Variants in PLPP7 observed in about 807,000 individuals in gnomAD.
PLPP7 encodes the protein phospholipid phosphatase 7 (inactive).
In PLPP7, 11 loss-of-function variants were observed where a neutral mutation model predicts 16.9. The ratio of observed to expected loss-of-function variants is 0.65; its 90% confidence interval spans 0.41 to 1.08. The LOEUF (loss-of-function observed/expected upper bound fraction) is 1.08, where lower values mean the gene tolerates loss of function less well. PLPP7 is among the 50% of genes least tolerant of loss of function. The pLI, the probability that PLPP7 is intolerant of heterozygous loss-of-function variation, is 0.00. For missense variants in PLPP7, 358 were observed against 397.1 expected (o/e 0.90, Z 0.84); for synonymous variants, 174 against 175.1 (o/e 0.99, Z 0.05).
Position 131,290,304 on chromosome 9 carries a change from GCGGCGTCCTGGGC to G in PLPP7, c.309_321del (p.Ala104ValfsTer27). On this transcript the variant is annotated frameshift_variant, in exon 1 of 2. Transcript: ENST00000372264. LOFTEE classifies it high-confidence loss of function. This position sits in a 1 kb window ranked among gnomAD's most constrained non-coding sequence, Gnocchi z 4.2. ...GCGGCTGGGGGTGTGCGCTGGCCGG[GCGGCGTCCTGGGC>G]CAGTGCCCGCTCCATGGTCAAGCTC... The G allele has an allele frequency of 6.2e-7, 1 of 1,612,074 alleles. No homozygotes were observed. Among genetic ancestry groups the G allele is most frequent in the East Asian group, 2.2e-5 (1 of 44,848 alleles).
chr9:131,299,192 G>A (rs955819611), intron 1 of PLPP7, among the ~76,000 whole-genome samples: 10 of 128,512 alleles, frequency 7.8e-5, no homozygotes, highest in Admixed American at 4.0e-4. Flanking sequence ...GCCTGAGTGC[G>A]CCCTGGGTGA....
rs543199710 is a variant in PLPP7 at position 131,292,449 on chromosome 9, T to G, written c.451+2001T>G. On this transcript the variant is annotated intron_variant, in intron 1 of 1. Coordinates refer to ENST00000372264, the MANE Select transcript of PLPP7 (RefSeq NM_032728.4). ...TGATCTTCACCATAACCCATGGAGC[T>G]TGGTGCTGTTATTATTCCCCATTTA... Among the ~76,000 whole-genome samples, 97 of 152,322 alleles carry G rather than the reference T, an allele frequency of 6.4e-4. 1 individual carries two copies. Among genetic ancestry groups the G allele is most frequent in the African/African-American group, 2.2e-3 (92 of 41,574 alleles).
At chr9:131,296,090 C>T (rs1835732311) in intron 1 of PLPP7, among the ~76,000 whole-genome samples, 1 of 152,212 alleles carries the variant, frequency 6.6e-6, no homozygotes, top group Non-Finnish European at 1.5e-5. Flanking sequence ...CTGTTGCCCA[C>T]AGCGGCTGCG....
At chr9:131,299,611 G>A (rs1835773933) in intron 1 of PLPP7, among the ~76,000 whole-genome samples, 1 of 152,154 alleles carries the variant, frequency 6.6e-6, no homozygotes, top group Non-Finnish European at 1.5e-5. Context: ...GTGGCAGGCG[G>A]GCCACTGCCT....
At chr9:131,298,383 C>T (rs758278077) in intron 1 of PLPP7, among the ~76,000 whole-genome samples, 46 of 152,102 alleles carry the variant, frequency 3.0e-4, no homozygotes, top group African/African-American at 7.7e-4. Context: ...CCAACCCAGC[C>T]GGAGAGAGAC....
In PLPP7 at chr9:131,289,928, C is replaced by T; in HGVS notation, c.-70C>T. ...GCCACGGTGGCGGCTCTGGGGGCAGCTCTTGTCTTCGGGGAGAAGGCCCTT... is the reference window on the plus strand; with the variant it reads ...GCCACGGTGGCGGCTCTGGGGGCAGTTCTTGTCTTCGGGGAGAAGGCCCTT... On this transcript the variant is annotated 5_prime_UTR_variant, in exon 1 of 2. Transcript: ENST00000372264. 1.5e-6 allele frequency: 2 copies of T among 1,294,062 alleles called. No homozygotes were observed. Among genetic ancestry groups the T allele is most frequent in the Non-Finnish European group, 2.0e-6 (2 of 1,006,820 alleles). 80.2% of individuals were successfully genotyped at this position (1,294,062 alleles called of 1,614,324 possible). A position where few individuals can be genotyped will look rare whatever the true frequency, so the allele number is the denominator to read the frequency against.
In PLPP7 at chr9:131,295,063, T is replaced by G. The variant is rs1405558051; in HGVS notation, c.451+4615T>G. Reference sequence around the variant, plus strand: ...CCGGGAGGCGGAGCTTGCAGTGAGCTGAGATCGCACCACTGCACTCCAGCC... The same window carrying G: ...CCGGGAGGCGGAGCTTGCAGTGAGCGGAGATCGCACCACTGCACTCCAGCC... On this transcript the variant is annotated intron_variant, in intron 1 of 1. Coordinates refer to ENST00000372264, the MANE Select transcript of PLPP7 (RefSeq NM_032728.4). This position sits in a 1 kb window ranked among gnomAD's most constrained non-coding sequence, Gnocchi z 4.0. Among the ~76,000 whole-genome samples, 2 of 150,320 alleles carry G rather than the reference T, an allele frequency of 1.3e-5. No homozygotes were observed. Among genetic ancestry groups the G allele is most frequent in the Admixed American group, 6.6e-5 (1 of 15,180 alleles).
intron 1 of PLPP7, among the ~76,000 whole-genome samples, chr9:131,299,115 G>T (rs567709451): frequency 1.3e-5 from 2 of 152,204 alleles, no homozygotes; most frequent in Admixed American, 6.5e-5. Flanking sequence ...AGGGAGCTCT[G>T]GGGGATAGAC....
Position 131,308,139 on chromosome 9 carries a change from T to G in PLPP7, c.668T>G (p.Leu223Arg). 1 of 1,600,908 alleles carries G rather than the reference T, an allele frequency of 6.2e-7. No homozygotes were observed. The highest frequency in any genetic ancestry group is 8.5e-7 in the Non-Finnish European group (1 of 1,179,802). The change falls in exon 2 of 2, where the codon CTC (leucine) becomes CGC (arginine). Residue 223 changes from leucine (L) to arginine (R), a missense_variant. Coordinates refer to ENST00000372264, the MANE Select transcript of PLPP7 (RefSeq NM_032728.4). The part of the protein sequence containing the change: ...PLRVLLVLWA[L>R]CVGLSRVMIG... ...CGTGTGCTGCTGGTGCTCTGGGCCC[T>G]CTGCGTGGGCCTGTCCCGCGTGATG...
chr9:131,290,238 G>A lies in PLPP7; in HGVS notation c.241G>A (p.Ala81Thr), dbSNP rs764693403. Residue 81 changes from alanine to threonine, a missense_variant, in exon 1 of 2, where the codon GCC becomes ACC. By Grantham distance (58) the Ala-to-Thr change is moderately conservative. Coordinates refer to ENST00000372264, the MANE Select transcript of PLPP7 (RefSeq NM_032728.4). This position sits in a 1 kb window ranked among gnomAD's most constrained non-coding sequence, Gnocchi z 4.2. ...GCTGAACCCCTCCTTCAAGGGCATC[G>A]CCTTCAACTCCCTGCTGGCCATCGA... The part of the protein sequence containing the change: ...MQLNPSFKGI[A>T]FNSLLAIDIC... The A allele has an allele frequency of 1.3e-5, 21 of 1,610,368 alleles. No individual in the cohort carries two copies. Among genetic ancestry groups the A allele is most frequent in the Non-Finnish European group, 1.6e-5 (19 of 1,177,992 alleles).
intron 1 of PLPP7, among the ~76,000 whole-genome samples, chr9:131,307,393 A>G (rs1265313475): frequency 6.6e-6 from 1 of 151,718 alleles, no homozygotes; most frequent in African/African-American, 2.4e-5. Flanking sequence ...CTCTACTGAA[A>G]GTACAAAAAT....
In PLPP7 at chr9:131,290,326, G is replaced by A. The variant is rs766651422; in HGVS notation, c.329G>A (p.Arg110His). 3.2e-5 allele frequency: 52 copies of A among 1,611,174 alleles called. No individual in the cohort carries two copies. The highest frequency in any genetic ancestry group is 2.0e-4 in the South Asian group (18 of 90,614). ...AGRAASWASA[R>H]SMVKLIGITG... is the part of the protein sequence containing the mutation. ...CGGGCGGCGTCCTGGGCCAGTGCCC[G>A]CTCCATGGTCAAGCTCATCGGCATC... is the stretch of plus-strand genomic sequence containing the variant. Residue 110 changes from arginine (R) to histidine (H), a missense_variant, in exon 1 of 2, where the codon CGC (arginine) becomes CAC (histidine). Coordinates refer to ENST00000372264, the MANE Select transcript of PLPP7 (RefSeq NM_032728.4). This position sits in a 1 kb window ranked among gnomAD's most constrained non-coding sequence, Gnocchi z 4.2.
Position 131,308,592 on chromosome 9 carries a change from G to A in PLPP7, c.*305G>A, listed in dbSNP as rs1835884193. ...TCTGCTCTGGGAACAGCAAAAATCA[G>A]GATGGTGGGAGGGGCCGAGTCTTGT... On this transcript the variant is annotated 3_prime_UTR_variant, in exon 2 of 2. Transcript: ENST00000372264. 5.0e-6 allele frequency: 2 copies of A among 403,694 alleles called. No individual in the cohort carries two copies. The allele number at this position is 403,694 out of a possible 1,614,324, so 25.0% of individuals were successfully genotyped here.
At chr9:131,303,437 CTTTTG>C (rs1835820726) in intron 1 of PLPP7, among the ~76,000 whole-genome samples, 1 of 147,850 alleles carries the variant, frequency 6.8e-6, no homozygotes, top group African/African-American at 2.5e-5. Flanking sequence ...TAAACTCTAA[CTTTTG>C]TTTTCTGTTT....
At chr9:131,303,647 G>A (rs368938515) in intron 1 of PLPP7, among the ~76,000 whole-genome samples, 5 of 152,256 alleles carry the variant, frequency 3.3e-5, no homozygotes, top group Admixed American at 2.0e-4. Flanking sequence ...TGGGCCAGGC[G>A]TTTGGGGGAC....
At chr9:131,307,826 G>A in intron 1 of PLPP7, 97 bp from the exon 2 acceptor site, 2 of 1,278,490 alleles carry the variant, frequency 1.6e-6, no homozygotes, top group Admixed American at 2.8e-5. Flanking sequence ...CCTGAGTGAG[G>A]AGCAGAAAGG....
At position 131,308,291 on chromosome 9, in the gene PLPP7, G is replaced by T. The variant is rs746640712; in HGVS notation, c.*4G>T. 1.3e-5 allele frequency: 21 copies of T among 1,558,404 alleles called. 1 individual carries two copies. In the Admixed American group the frequency reaches 2.6e-4, roughly 19 times the overall value. On this transcript the variant is annotated 3_prime_UTR_variant, in exon 2 of 2. Transcript: ENST00000372264. ...GATGCTCATCTCTGCCTGGTGAAGC[G>T]CCCGCCGGCCCACACAAGCCTCTGG...
chr9:131,300,840 G>C (rs1835790858), intron 1 of PLPP7, among the ~76,000 whole-genome samples: 1 of 152,072 alleles, frequency 6.6e-6, no homozygotes, highest in Non-Finnish European at 1.5e-5. Context: ...CAGAGTTGAG[G>C]TGCTGGGCCC....
At position 131,308,348 on chromosome 9, in the gene PLPP7, G is replaced by C. The variant is rs1835879977; in HGVS notation, c.*61G>C. 4.7e-6 allele frequency: 7 copies of C among 1,493,166 alleles called. No individual in the cohort carries two copies. The highest frequency in any genetic ancestry group is 1.8e-4 in the Middle Eastern group (1 of 5,498). 92.5% of individuals were successfully genotyped at this position (1,493,166 alleles called of 1,614,324 possible). ...GGCTGGCCCTAGAGAAGGGGCAGGGGGTGGCGAGGTGGCGGGCGTGGGTGG... is the reference window on the plus strand; with the variant it reads ...GGCTGGCCCTAGAGAAGGGGCAGGGCGTGGCGAGGTGGCGGGCGTGGGTGG... On this transcript the variant is annotated 3_prime_UTR_variant, in exon 2 of 2. Transcript: ENST00000372264.
Sources: allele counts gnomAD v4.1 joint callset (sites outside exome capture counted in the v4.1 genomes callset), GRCh38; gene constraint gnomAD v4.1.1; non-coding constraint Gnocchi (gnomAD v3.1); transcripts MANE v1.5; gene names NCBI Gene and HGNC (gene_info 2026-07-23, HGNC 2026-07-21).